NEDD4L: variants seen among roughly 807,000 people sequenced by gnomAD.
NEDD4L encodes the protein E3 ubiquitin-protein ligase NEDD4-like.
NEDD4L carries 54 observed loss-of-function variants against 148.9 expected under a neutral mutation model. The observed-to-expected ratio is 0.36, with a 90% CI of 0.29 to 0.45. The LOEUF (loss-of-function observed/expected upper bound fraction) is 0.45, where lower values mean the gene tolerates loss of function less well. Among genes scored for constraint, NEDD4L ranks in the 20% least tolerant of loss-of-function variants. The probability of loss-of-function intolerance (pLI) is 1.00; values close to 1 mark genes in which losing one functional copy is unlikely to be tolerated. For synonymous variants in NEDD4L, 433 were observed against 440.7 expected, an observed-to-expected ratio of 0.98 and a Z score of 0.22; for missense variants, 856 against 1,233.8, an observed-to-expected ratio of 0.69 and a Z score of 4.59.
intron 2 of NEDD4L, among the ~76,000 whole-genome samples, chr18:58,220,786 A>G (rs1310888299): frequency 6.6e-6 from 1 of 152,202 alleles, no homozygotes. Flanking sequence ...AGGAAAGAGA[A>G]GTAGCATAGT....
intron 26 of NEDD4L, among the ~76,000 whole-genome samples, chr18:58,386,931 G>A (rs1013631237): frequency 3.3e-5 from 5 of 152,190 alleles, no homozygotes; most frequent in Admixed American, 6.5e-5. Flanking sequence ...CGCGGCGTTC[G>A]CAGCGCGCAG....
At chr18:58,159,390 A>T (rs573318318) in intron 1 of NEDD4L, among the ~76,000 whole-genome samples, 4 of 152,104 alleles carry the variant, frequency 2.6e-5, no homozygotes, top group Non-Finnish European at 4.4e-5. Flanking sequence ...AAGGTAAACG[A>T]TGGGCTTCGG....
chr18:58,362,044 A>G (rs1021473094), intron 19 of NEDD4L, among the ~76,000 whole-genome samples: 1 of 152,230 alleles, frequency 6.6e-6, no homozygotes, highest in Non-Finnish European at 1.5e-5. Flanking sequence ...TAATGAATGC[A>G]AGAGGAAGAC....
chr18:58,228,533 G>A (rs2044648822), intron 2 of NEDD4L, among the ~76,000 whole-genome samples: 1 of 152,232 alleles, frequency 6.6e-6, no homozygotes, highest in African/African-American at 2.4e-5. Flanking sequence ...TGCAGAGTGG[G>A]TGAGGCATAG....
intron 5 of NEDD4L, among the ~76,000 whole-genome samples, chr18:58,306,662 G>T (rs1171304858): frequency 1.3e-5 from 2 of 150,192 alleles, no homozygotes; most frequent in Non-Finnish European, 1.5e-5. Flanking sequence ...TTTTGCTCTT[G>T]TCACCCAGGC....
chr18:58,238,356 G>A (rs1032153160), intron 2 of NEDD4L, among the ~76,000 whole-genome samples: 10 of 152,134 alleles, frequency 6.6e-5, no homozygotes, highest in Admixed American at 1.3e-4. Flanking sequence ...TGAAATTACA[G>A]GGTTCAGTAC....
At chr18:58,230,797 C>G (rs1789032213) in intron 2 of NEDD4L, among the ~76,000 whole-genome samples, 1 of 152,144 alleles carries the variant, frequency 6.6e-6, no homozygotes, top group Non-Finnish European at 1.5e-5. Context: ...GGTAACCTAT[C>G]ATAGTGTGTG....
In NEDD4L at chr18:58,381,549, G is replaced by T. The variant is rs1452492548; in HGVS notation, c.2353-1697G>T. 3.3e-5 allele frequency among the ~76,000 whole-genome samples: 5 copies of T among 152,216 alleles called. No homozygotes were observed. In the East Asian group the frequency reaches 9.6e-4, roughly 29 times the overall value. On this transcript the variant is annotated intron_variant, in intron 24 of 30. Coordinates refer to ENST00000400345, the MANE Select transcript of NEDD4L (RefSeq NM_001144967.3). ...CCCCTTCCCTGTGCGAGGGGAAAGGGTGGGAGGAAAGATTCGGCTTGAGTG... is the reference window on the plus strand; with the variant it reads ...CCCCTTCCCTGTGCGAGGGGAAAGGTTGGGAGGAAAGATTCGGCTTGAGTG...
intron 5 of NEDD4L, among the ~76,000 whole-genome samples, chr18:58,315,117 G>A (rs1299354792): frequency 6.6e-6 from 1 of 152,090 alleles, no homozygotes; most frequent in Non-Finnish European, 1.5e-5. Context: ...TGAATGTGGT[G>A]GAACCAGCTG....
At chr18:58,118,076 C>T (rs937727406) in intron 1 of NEDD4L, among the ~76,000 whole-genome samples, 8 of 152,362 alleles carry the variant, frequency 5.3e-5, no homozygotes, top group African/African-American at 1.9e-4. Context: ...ACTTAACTAG[C>T]TCCCTTCCCT....
intron 2 of NEDD4L, among the ~76,000 whole-genome samples, chr18:58,202,562 G>A (rs954273877): frequency 1.5e-4 from 23 of 152,250 alleles, no homozygotes; most frequent in African/African-American, 4.8e-4. Context: ...TGCAAACAGG[G>A]ATGATGCAGT....
chr18:58,106,009 A>T (rs932845436), intron 1 of NEDD4L, among the ~76,000 whole-genome samples: 2 of 152,282 alleles, frequency 1.3e-5, no homozygotes, highest in Admixed American at 1.3e-4. Flanking sequence ...TTACTGCATC[A>T]GCTAGCAGCT....
intron 1 of NEDD4L, among the ~76,000 whole-genome samples, chr18:58,092,344 G>A (rs1031567731): frequency 8.5e-5 from 13 of 152,196 alleles, no homozygotes; most frequent in African/African-American, 2.9e-4. Context: ...TTTGGGATTT[G>A]GGGTGGGGGA....
At chr18:58,106,843 G>T (rs1315522879) in intron 1 of NEDD4L, among the ~76,000 whole-genome samples, 1 of 152,154 alleles carries the variant, frequency 6.6e-6, no homozygotes, top group Non-Finnish European at 1.5e-5. Context: ...CTTGAGCCAG[G>T]ATCTGAACCT....
At chr18:58,362,650 G>A (rs1379218735) in intron 19 of NEDD4L, among the ~76,000 whole-genome samples, 1 of 152,176 alleles carries the variant, frequency 6.6e-6, no homozygotes, top group Non-Finnish European at 1.5e-5. Context: ...AGCTCCAGGA[G>A]GGAACTGGGA....
intron 24 of NEDD4L, 41 bp downstream of exon 24, chr18:58,373,310 A>G (rs1234589945): frequency 8.3e-7 from 1 of 1,204,788 alleles, no homozygotes; most frequent in African/African-American, 1.5e-5. Flanking sequence ...TTAGCTTTCA[A>G]GGGGCATTTT....
intron 3 of NEDD4L, 62 bp downstream of exon 3, chr18:58,245,570 C>G: frequency 7.0e-6 from 6 of 858,174 alleles, no homozygotes; most frequent in South Asian, 1.6e-5. Context: ...TATGCACAGT[C>G]ATGTGCTGCT....
At chr18:58,103,003 A>ACG (rs1568218698) in intron 1 of NEDD4L, among the ~76,000 whole-genome samples, 1 of 152,022 alleles carries the variant, frequency 6.6e-6, no homozygotes. Flanking sequence ...TTCTAAGATC[A>ACG]CGGCTGGCTT....
chr18:58,238,527 C>G (rs1354614604), intron 2 of NEDD4L, among the ~76,000 whole-genome samples: 5 of 152,056 alleles, frequency 3.3e-5, no homozygotes, highest in Non-Finnish European at 7.4e-5. Context: ...ACATTTTAGC[C>G]TAACATGATT....
Sources: allele counts gnomAD v4.1 joint callset (sites outside exome capture counted in the v4.1 genomes callset), GRCh38; gene constraint gnomAD v4.1.1; transcripts MANE v1.5; gene names NCBI Gene and HGNC (gene_info 2026-07-23, HGNC 2026-07-21).